The following NCAM2 variants were observed in gnomAD, a reference collection of about 807,000 sequenced individuals.
The protein encoded by NCAM2 is neural cell adhesion molecule 2.
In NCAM2, 30 loss-of-function variants were observed where a neutral mutation model predicts 98.1. The ratio of observed to expected loss-of-function variants is 0.31; its 90% CI spans 0.23 to 0.41. The LOEUF (loss-of-function observed/expected upper bound fraction) is 0.41, where lower values mean the gene tolerates loss of function less well. NCAM2 is among the 10% of genes least tolerant of loss of function. The pLI is 1.00. For missense variants in NCAM2, 867 were observed against 1,005.8 expected (o/e 0.86, Z 1.87); for synonymous variants, 368 against 342.4 (o/e 1.07, Z -0.83).
At chr21:21,049,212 G>A (rs2065059143) in intron 1 of NCAM2, among the ~76,000 whole-genome samples, 1 of 145,622 alleles carries the variant, frequency 6.9e-6, no homozygotes, top group Non-Finnish European at 1.5e-5. Context: ...GTAGAGACGG[G>A]GTTTCACCTT....
At chr21:21,265,041 A>ATATATATG in intron 1 of NCAM2, among the ~76,000 whole-genome samples, 1 of 129,416 alleles carries the variant, frequency 7.7e-6, no homozygotes, top group Non-Finnish European at 1.6e-5. Flanking sequence ...GTATATATGT[A>ATATATATG]CACATATATA....
At chr21:21,023,521 TAA>T (rs960175416) in intron 1 of NCAM2, among the ~76,000 whole-genome samples, 10 of 140,736 alleles carry the variant, frequency 7.1e-5, no homozygotes, top group South Asian at 2.3e-4. Flanking sequence ...GAGACTCCAT[TAA>T]AAAAAAAAAA....
At chr21:21,163,178 G>A (rs2067841197) in intron 1 of NCAM2, among the ~76,000 whole-genome samples, 7 of 152,136 alleles carry the variant, frequency 4.6e-5, no homozygotes, top group Admixed American at 2.0e-4. Flanking sequence ...AATACATTCA[G>A]CAATTCCACT....
intron 15 of NCAM2, among the ~76,000 whole-genome samples, chr21:21,506,364 T>A (rs1438947190): frequency 6.6e-6 from 1 of 152,156 alleles, no homozygotes; most frequent in East Asian, 1.9e-4. Flanking sequence ...GTAAGTTGAT[T>A]TCACTGTATT....
chr21:21,267,455 C>T (rs2072326706), intron 1 of NCAM2, among the ~76,000 whole-genome samples: 1 of 152,070 alleles, frequency 6.6e-6, no homozygotes, highest in Admixed American at 6.6e-5. Flanking sequence ...TGTTGTACAA[C>T]CTTACCTGGG....
chr21:21,124,657 G>A (rs1322944558), intron 1 of NCAM2, among the ~76,000 whole-genome samples: 1 of 152,174 alleles, frequency 6.6e-6, no homozygotes, highest in Non-Finnish European at 1.5e-5. Flanking sequence ...TTAAAACTGA[G>A]TCATGCCATA....
At chr21:21,509,596 AGTT>A (rs1046854259) in intron 16 of NCAM2, among the ~76,000 whole-genome samples, 1 of 152,152 alleles carries the variant, frequency 6.6e-6, no homozygotes, top group African/African-American at 2.4e-5. Flanking sequence ...TTTGATCAAA[AGTT>A]GATTACTTGT....
chr21:21,119,164 TC>T (rs2066622196), intron 1 of NCAM2, among the ~76,000 whole-genome samples: 1 of 152,170 alleles, frequency 6.6e-6, no homozygotes. Flanking sequence ...TTAGGCATTT[TC>T]TTTTAGTTCT....
intron 1 of NCAM2, among the ~76,000 whole-genome samples, chr21:21,052,184 G>A (rs1413303723): frequency 8.7e-6 from 1 of 114,622 alleles, no homozygotes; most frequent in Non-Finnish European, 1.6e-5. Flanking sequence ...TTGAGACGGA[G>A]TCTCGCTCTG....
intron 1 of NCAM2, among the ~76,000 whole-genome samples, chr21:21,265,498 TATATGTGTGTATATATACACATACACAC>T (rs1003843895): frequency 1.2e-4 from 17 of 143,806 alleles, no homozygotes; most frequent in Non-Finnish European, 7.6e-5. Context: ...ACATATATAA[TATATGTGTGTATATATACACATACACAC>T]ATATGTGTGT....
At chr21:21,533,648 GTTTT>G (rs71734481) in intron 16 of NCAM2, among the ~76,000 whole-genome samples, 44 of 137,884 alleles carry the variant, frequency 3.2e-4, no homozygotes, top group African/African-American at 9.2e-4. Context: ...CCCTTCTTTA[GTTTT>G]TTTTTTTTTT....
chr21:21,483,220 T>G (rs1487302658), intron 15 of NCAM2, among the ~76,000 whole-genome samples: 2 of 152,086 alleles, frequency 1.3e-5, no homozygotes, highest in Non-Finnish European at 2.9e-5. Flanking sequence ...AAGACATGTC[T>G]AATTTTAATA....
intron 12 of NCAM2, among the ~76,000 whole-genome samples, chr21:21,451,868 G>T (rs1330060756): frequency 1.3e-5 from 2 of 152,004 alleles, no homozygotes; most frequent in Non-Finnish European, 2.9e-5. Flanking sequence ...AAAAATGTAG[G>T]TTTAAGTTTC....
At chr21:21,245,929 A>G (rs2071252029) in intron 1 of NCAM2, among the ~76,000 whole-genome samples, 1 of 152,200 alleles carries the variant, frequency 6.6e-6, no homozygotes, top group Non-Finnish European at 1.5e-5. Flanking sequence ...GACAGTAGAT[A>G]TGGTTTTAAA....
At chr21:21,049,934 A>C (rs2065073922) in intron 1 of NCAM2, among the ~76,000 whole-genome samples, 1 of 152,174 alleles carries the variant, frequency 6.6e-6, no homozygotes, top group African/African-American at 2.4e-5. Context: ...GAAGATGTAA[A>C]TAGTATAAAG....
intron 1 of NCAM2, among the ~76,000 whole-genome samples, chr21:21,259,686 C>G (rs1032184389): frequency 6.6e-6 from 1 of 151,998 alleles, no homozygotes; most frequent in Non-Finnish European, 1.5e-5. Context: ...CACCCTCAGC[C>G]CAGCAGGACA....
At chr21:21,161,941 TA>T (rs2067799135) in intron 1 of NCAM2, among the ~76,000 whole-genome samples, 1 of 152,088 alleles carries the variant, frequency 6.6e-6, no homozygotes, top group South Asian at 2.1e-4. Context: ...TTCAACGATA[TA>T]ATGGATTGTA....
chr21:21,273,893 C>T (rs981670950), intron 1 of NCAM2, among the ~76,000 whole-genome samples: 7 of 152,070 alleles, frequency 4.6e-5, no homozygotes, highest in Admixed American at 1.3e-4. Context: ...AGGCCGGGTG[C>T]GTTGGCTCAT....
At chr21:21,466,347 G>A (rs939672045) in intron 12 of NCAM2, among the ~76,000 whole-genome samples, 1 of 151,886 alleles carries the variant, frequency 6.6e-6, no homozygotes, top group Non-Finnish European at 1.5e-5. Context: ...CTTTGAGAAT[G>A]TGTCACAAAT....
Sources: allele counts gnomAD v4.1 joint callset (sites outside exome capture counted in the v4.1 genomes callset), GRCh38; gene constraint gnomAD v4.1.1; transcripts MANE v1.5; gene names NCBI Gene and HGNC (gene_info 2026-07-23, HGNC 2026-07-21).